GMDS: variants seen among roughly 807,000 people sequenced by gnomAD.
GMDS encodes the protein GDP-mannose 4,6 dehydratase.
A neutral mutation model predicts 49.9 loss-of-function variants in GMDS; 20 were observed. The observed-to-expected ratio is 0.40, with a 90% confidence interval of 0.28 to 0.58. The LOEUF is 0.58. Among genes scored for constraint, GMDS ranks in the 20% least tolerant of loss-of-function variants. The probability of loss-of-function intolerance (pLI) is 0.42; values close to 1 mark genes in which losing one functional copy is unlikely to be tolerated. For missense variants in GMDS, 362 were observed against 481.4 expected (o/e 0.75, Z 2.32); for synonymous variants, 177 against 178.6 (o/e 0.99, Z 0.07).
chr6:2,187,059 T>G (rs1055778918), intron 1 of GMDS, among the ~76,000 whole-genome samples: 1 of 152,240 alleles, frequency 6.6e-6, no homozygotes, highest in African/African-American at 2.4e-5. Context: ...TCCTCTATAT[T>G]GTGTATATTG....
At chr6:1,789,487 G>A (rs1769442413) in intron 7 of GMDS, among the ~76,000 whole-genome samples, 1 of 150,474 alleles carries the variant, frequency 6.6e-6, no homozygotes, top group South Asian at 2.1e-4. Flanking sequence ...TATTATATAA[G>A]TTAGATAGAA....
At chr6:2,087,627 T>G (rs961767587) in intron 4 of GMDS, among the ~76,000 whole-genome samples, 2 of 152,258 alleles carry the variant, frequency 1.3e-5, no homozygotes, top group African/African-American at 4.8e-5. Context: ...AAGTAGGCAC[T>G]CAATGACTGC....
chr6:1,986,791 A>G (rs547907341), intron 4 of GMDS, among the ~76,000 whole-genome samples: 26 of 152,250 alleles, frequency 1.7e-4, no homozygotes, highest in African/African-American at 6.3e-4. Flanking sequence ...ATTTGGTAAG[A>G]GCAATTTCTC....
Position 2,115,867 on chromosome 6 carries a change from G to C in GMDS, c.249C>G (p.His83Gln). The C allele has an allele frequency of 6.3e-7, 1 of 1,583,820 alleles. No homozygotes were observed. Among genetic ancestry groups the C allele is most frequent in the South Asian group, 1.1e-5 (1 of 90,468 alleles). ...QAHIEGNMKLHYGDLTDSTCL... is the reference protein window; with the variant it reads ...QAHIEGNMKLQYGDLTDSTCL... ...AGGTACTGTCAGTGAGATCGCCATA[G>C]TGCAACTTCATGTCTTCAGGATACA... Residue 83 changes from histidine to glutamine, a missense_variant, in exon 4 of 11, where the codon CAC becomes CAG. Physicochemically the swap from His to Gln is conservative, Grantham distance 24. Transcript: ENST00000380815.
intron 7 of GMDS, among the ~76,000 whole-genome samples, chr6:1,743,757 TAGG>T (rs1767378197): frequency 7.7e-6 from 1 of 129,718 alleles, no homozygotes; most frequent in Admixed American, 7.9e-5. Context: ...TTAATACAGA[TAGG>T]AGATGAAGAT....
intron 9 of GMDS, among the ~76,000 whole-genome samples, chr6:1,661,624 G>A (rs1764076581): frequency 6.6e-6 from 1 of 152,182 alleles, no homozygotes; most frequent in Non-Finnish European, 1.5e-5. Context: ...CCCAGCAAGT[G>A]GGACTGTGGC....
intron 4 of GMDS, among the ~76,000 whole-genome samples, chr6:2,047,854 C>T (rs1433872867): frequency 6.6e-6 from 1 of 152,100 alleles, no homozygotes; most frequent in Non-Finnish European, 1.5e-5. Flanking sequence ...TTTTTAAATG[C>T]ACTGTCACCA....
At chr6:1,677,517 T>C (rs1028173482) in intron 9 of GMDS, among the ~76,000 whole-genome samples, 8 of 152,044 alleles carry the variant, frequency 5.3e-5, no homozygotes, top group Non-Finnish European at 1.2e-4. Context: ...TGTGGCACTA[T>C]TCACAATAGC....
chr6:2,012,653 G>A (rs1430157671), intron 4 of GMDS, among the ~76,000 whole-genome samples: 1 of 152,096 alleles, frequency 6.6e-6, no homozygotes, highest in Non-Finnish European at 1.5e-5. Flanking sequence ...GGAGAGACAG[G>A]TGAATATAGA....
chr6:1,790,518 C>T (rs1312015610), intron 7 of GMDS, among the ~76,000 whole-genome samples: 1 of 152,142 alleles, frequency 6.6e-6, no homozygotes, highest in East Asian at 1.9e-4. Context: ...GCTTACCTAC[C>T]TGTTTTAAAG....
intron 4 of GMDS, among the ~76,000 whole-genome samples, chr6:2,059,829 C>T (rs1467954152): frequency 2.0e-5 from 3 of 150,528 alleles, no homozygotes; most frequent in African/African-American, 4.9e-5. Flanking sequence ...TCTGACAGGG[C>T]GAAGCTCAGA....
chr6:1,706,090 G>A (rs1040410083), intron 9 of GMDS, among the ~76,000 whole-genome samples: 4 of 152,202 alleles, frequency 2.6e-5, no homozygotes, highest in East Asian at 1.9e-4. Flanking sequence ...GTACTATAGC[G>A]GGCAGGCCTC....
intron 9 of GMDS, among the ~76,000 whole-genome samples, chr6:1,638,758 G>C (rs901025901): frequency 6.6e-6 from 1 of 151,996 alleles, no homozygotes; most frequent in Non-Finnish European, 1.5e-5. Context: ...GAACTCTCTG[G>C]GTCTTATTAA....
chr6:1,900,049 C>T (rs1760420978), intron 7 of GMDS, among the ~76,000 whole-genome samples: 1 of 152,262 alleles, frequency 6.6e-6, no homozygotes, highest in Non-Finnish European at 1.5e-5. Context: ...TCTGCCTACA[C>T]ACTCTGAGTC....
intron 1 of GMDS, among the ~76,000 whole-genome samples, chr6:2,222,508 A>G (rs900790286): frequency 2.6e-5 from 4 of 152,268 alleles, no homozygotes; most frequent in Non-Finnish European, 2.9e-5. Context: ...TGTAAACAAT[A>G]GAAGCTTGGT....
At chr6:1,844,598 A>G (rs1561841300) in intron 7 of GMDS, among the ~76,000 whole-genome samples, 1 of 152,218 alleles carries the variant, frequency 6.6e-6, no homozygotes, top group Admixed American at 6.5e-5. Flanking sequence ...CTTTGTAACA[A>G]GAAACATTAA....
At chr6:2,184,588 C>G (rs1778695998) in intron 1 of GMDS, among the ~76,000 whole-genome samples, 2 of 152,218 alleles carry the variant, frequency 1.3e-5, no homozygotes, top group Non-Finnish European at 2.9e-5. Context: ...ACCTACATAG[C>G]TATCATTCCC....
intron 1 of GMDS, among the ~76,000 whole-genome samples, chr6:2,192,145 T>A (rs767587531): frequency 7.9e-5 from 12 of 152,078 alleles, no homozygotes; most frequent in Non-Finnish European, 1.3e-4. Context: ...TAGGGCCTCC[T>A]CTGTGCCGAC....
At chr6:2,105,256 G>C (rs1314102580) in intron 4 of GMDS, among the ~76,000 whole-genome samples, 1 of 149,872 alleles carries the variant, frequency 6.7e-6, no homozygotes, top group Admixed American at 6.6e-5. Context: ...TAAAGCAAAT[G>C]CAAAGCAAAC....
Sources: allele counts gnomAD v4.1 joint callset (sites outside exome capture counted in the v4.1 genomes callset), GRCh38; gene constraint gnomAD v4.1.1; transcripts MANE v1.5; gene names NCBI Gene and HGNC (gene_info 2026-07-23, HGNC 2026-07-21).